Variants in RSRP1 observed in about 807,000 individuals in gnomAD.
RSRP1 encodes arginine and serine rich protein 1.
A neutral mutation model predicts 33.0 loss-of-function variants in RSRP1; 37 were observed. That is an observed-to-expected ratio of 1.12 (90% CI 0.86 to 1.48). RSRP1 has a LOEUF of 1.48. RSRP1 is among the 40% of genes most tolerant of loss of function. The pLI, the probability that RSRP1 is intolerant of heterozygous loss-of-function variation, is 0.00. For missense variants in RSRP1, 402 were observed against 385.3 expected (o/e 1.04, Z -0.36); for synonymous variants, 167 against 158.7 (o/e 1.05, Z -0.40).
At chr1:25,315,703 A>G (rs1171518589) in intron 1 of RSRP1, among the ~76,000 whole-genome samples, 1 of 128,804 alleles carries the variant, frequency 7.8e-6, no homozygotes, top group East Asian at 2.0e-4. Flanking sequence ...TCACTGTGTT[A>G]GCCAGGATGG....
At chr1:25,293,098 C>A (rs28553519) in intron 1 of RSRP1, among the ~76,000 whole-genome samples, 11,161 of 129,706 alleles carry the variant, frequency 0.086, 2,871 homozygotes, top group African/African-American at 0.29. Context: ...ATGAAGGCAA[C>A]AGCCTGGCTT....
chr1:25,290,198 G>A lies in RSRP1; in HGVS notation c.-66-43169C>T, dbSNP rs536946563. ...AGAGAAGGGACAGTGGCCCCAGATG[G>A]GGATGGGGTGACTGGATGTGGGCAG... On this transcript the variant is annotated intron_variant, in intron 1 of 1. Transcript: ENST00000561867. Among the ~76,000 whole-genome samples, 523 of 128,184 alleles carry A rather than the reference G, an allele frequency of 4.1e-3. 16 individuals are homozygous for A. Among genetic ancestry groups the A allele is most frequent in the African/African-American group, 0.012 (424 of 35,638 alleles). The allele number at this position is 128,184 out of a possible 152,430, so 84.1% of individuals were successfully genotyped here.
In RSRP1 at chr1:25,323,467, T is replaced by C. The variant is rs1416751035; in HGVS notation, c.-67+14511A>G. On this transcript the variant is annotated intron_variant, in intron 1 of 1. Coordinates refer to the RSRP1 transcript ENST00000561867. The stretch of plus-strand genomic sequence containing the variant: ...CACTAAGGTTTGCATTTTCTGTAAT[T>C]TTTTTGTTTGAGACAGGGTCTCACT... 1.7e-5 allele frequency among the ~76,000 whole-genome samples: 2 copies of C among 120,608 alleles called. 1 individual carries two copies. The highest frequency in any genetic ancestry group is 5.7e-5 in the African/African-American group (2 of 34,924). The allele number at this position is 120,608 out of a possible 152,430, so 79.1% of individuals were successfully genotyped here. A position where few individuals can be genotyped will look rare whatever the true frequency, so the allele number is the denominator to read the frequency against.
At chr1:25,269,945 G>C (rs936970449) in intron 1 of RSRP1, among the ~76,000 whole-genome samples, 1 of 131,724 alleles carries the variant, frequency 7.6e-6, no homozygotes, top group Admixed American at 7.4e-5. Flanking sequence ...TCAGGTCCGG[G>C]GGTTGGCATT....
At chr1:25,287,708 T>A (rs1174323603) in intron 1 of RSRP1, among the ~76,000 whole-genome samples, 2 of 135,188 alleles carry the variant, frequency 1.5e-5, no homozygotes, top group Non-Finnish European at 1.8e-5. Context: ...AACTCTGAAG[T>A]GGGATGTTTT....
Position 25,301,036 on chromosome 1 carries a change from G to A in RSRP1, c.-67+36942C>T, listed in dbSNP as rs1053352. On this transcript the variant is annotated intron_variant, in intron 1 of 1. Transcript: ENST00000561867. Reference sequence around the variant, plus strand: ...CTGGTGCCTGCCAAAGCCTCTACCCGAGGGAACGGAGGATAAAGATCAGAC... The same window carrying A: ...CTGGTGCCTGCCAAAGCCTCTACCCAAGGGAACGGAGGATAAAGATCAGAC... The A allele has an allele frequency of 3.0e-5, 41 of 1,377,852 alleles. 10 individuals carry two copies. In the Middle Eastern group the frequency reaches 5.5e-4, roughly 18 times the overall value. The allele number at this position is 1,377,852 out of a possible 1,614,324, so 85.4% of individuals were successfully genotyped here.
chr1:25,271,028 G>C (rs1442166570), intron 1 of RSRP1, among the ~76,000 whole-genome samples: 1 of 130,386 alleles, frequency 7.7e-6, no homozygotes, highest in Non-Finnish European at 1.8e-5. Flanking sequence ...CTCTGTGTCA[G>C]TTTTGATAAA....
In RSRP1 at chr1:25,305,303, CA is replaced by C. The variant is rs1018059925; in HGVS notation, c.-67+32674del. Among the ~76,000 whole-genome samples, 3 of 132,366 alleles carry C rather than the reference CA, an allele frequency of 2.3e-5. 1 individual carries two copies. The highest frequency in any genetic ancestry group is 7.8e-5 in the African/African-American group (3 of 38,420). The allele number at this position is 132,366 out of a possible 152,430, so 86.8% of individuals were successfully genotyped here. The stretch of plus-strand genomic sequence containing the variant: ...TAAAGGCATAGGGTCCACCCAGGAG[CA>C]TGGTGGACCCAGATCCCTGAAAGAT... On this transcript the variant is annotated intron_variant, in intron 1 of 1. Transcript: ENST00000561867.
intron 1 of RSRP1, among the ~76,000 whole-genome samples, chr1:25,278,250 G>C (rs577799521): frequency 7.7e-6 from 1 of 130,424 alleles, no homozygotes; most frequent in African/African-American, 2.6e-5. Flanking sequence ...AGAGGTGCCA[G>C]TTCCTGAGAT....
intron 1 of RSRP1, among the ~76,000 whole-genome samples, chr1:25,286,928 A>G (rs1642068499): frequency 7.5e-6 from 1 of 133,914 alleles, no homozygotes. Context: ...TCCTGTCTCT[A>G]CTAAAAACAC....
intron 3 of RSRP1, 187 bp downstream of exon 3, chr1:25,244,963 A>G (rs1207963242): frequency 9.6e-6 from 14 of 1,462,716 alleles, no homozygotes; most frequent in Non-Finnish European, 1.3e-5. Context: ...GCACGGCCAA[A>G]TAAAGCTCAT....
Position 25,244,844 on chromosome 1 carries a change from TG to T in RSRP1, c.672+305del, listed in dbSNP as rs1401502459. 5.0e-5 allele frequency: 50 copies of T among 1,006,652 alleles called. 2 individuals are homozygous for T. In the East Asian group the frequency reaches 2.6e-3, roughly 53 times the overall value. The allele number at this position is 1,006,652 out of a possible 1,614,324, so 62.4% of individuals were successfully genotyped here. On this transcript the variant is annotated intron_variant, in intron 3 of 4. Coordinates refer to ENST00000243189, the MANE Select transcript of RSRP1 (RefSeq NM_020317.5). ...GACTACAGGCATGCACCACCATGCCTGGCTAATTTTTGTATTTTTTGTAAAC... is the reference window on the plus strand; with the variant it reads ...GACTACAGGCATGCACCACCATGCCTGCTAATTTTTGTATTTTTTGTAAAC...
rs1293137094 is a variant in RSRP1, at chr1:25,281,251, T to G, written c.-66-34222A>C. Among the ~76,000 whole-genome samples the G allele has an allele frequency of 4.6e-5, 6 of 129,938 alleles. 1 individual carries two copies. The highest frequency in any genetic ancestry group is 4.4e-4 in the Admixed American group (6 of 13,500). 85.2% of individuals were successfully genotyped at this position (129,938 alleles called of 152,430 possible). On this transcript the variant is annotated intron_variant, in intron 1 of 1. Transcript: ENST00000561867. ...TGCTGAACTACCAGGTTAGATTTTC[T>G]TTCTCCAAGTTGTGGAGCTTTCATA...
At chr1:25,320,287 C>A (rs1276249731) in intron 1 of RSRP1, among the ~76,000 whole-genome samples, 4 of 132,028 alleles carry the variant, frequency 3.0e-5, no homozygotes, top group East Asian at 3.9e-4. Flanking sequence ...CACACCTTTT[C>A]CACGTTATAT....
intron 1 of RSRP1, among the ~76,000 whole-genome samples, chr1:25,260,480 C>G (rs1055713720): frequency 6.6e-6 from 1 of 151,886 alleles, no homozygotes; most frequent in Non-Finnish European, 1.5e-5. Context: ...TTGAAGCCAC[C>G]CTCCAAACAC....
In RSRP1 at chr1:25,288,380, A is replaced by G. The variant is rs1388765618; in HGVS notation, c.-66-41351T>C. On this transcript the variant is annotated intron_variant, in intron 1 of 1. Transcript: ENST00000561867. The stretch of plus-strand genomic sequence containing the variant: ...CTTTTTGTAGAGATGGAGTCTCACT[A>G]TGTTGCCCAGGCTGGTCTCAAACTC... Among the ~76,000 whole-genome samples the G allele has an allele frequency of 2.4e-5, 3 of 122,722 alleles. 1 individual carries two copies. Among genetic ancestry groups the G allele is most frequent in the Middle Eastern group, 9.6e-3 (2 of 208 alleles). The allele number at this position is 122,722 out of a possible 152,430, so 80.5% of individuals were successfully genotyped here.
intron 1 of RSRP1, among the ~76,000 whole-genome samples, chr1:25,261,415 T>C (rs1310360546): frequency 6.6e-6 from 1 of 151,444 alleles, no homozygotes; most frequent in Non-Finnish European, 1.5e-5. Context: ...TCTTTTTTTT[T>C]TTTTTTTGAG....
chr1:25,246,616 A>ACGGGAC lies in RSRP1; in HGVS notation c.342_347dup (p.Ser121_Arg122dup), dbSNP rs747562675. On this transcript the variant is annotated inframe_insertion, in exon 2 of 5. Coordinates refer to ENST00000243189, the MANE Select transcript of RSRP1 (RefSeq NM_020317.5). Reference sequence around the variant, plus strand: ...ACCTTCCCCGAGAGCGCGACCTGCTACGGGACCGGGACCGGTACCGCGAAG... The same window carrying ACGGGAC: ...ACCTTCCCCGAGAGCGCGACCTGCTACGGGACCGGGACCGGGACCGGTACCGCGAAG... The ACGGGAC allele has an allele frequency of 1.6e-4, 262 of 1,613,936 alleles. 2 individuals are homozygous for ACGGGAC. In the African/African-American group the frequency reaches 2.1e-3, roughly 13 times the overall value.
chr1:25,279,711 T>C (rs1455645038), intron 1 of RSRP1, among the ~76,000 whole-genome samples: 3 of 124,160 alleles, frequency 2.4e-5, no homozygotes, highest in Admixed American at 7.8e-5. Context: ...ATGGTGAGTA[T>C]TGCCTTATCT....
Sources: gnomAD v4.1 joint callset for allele counts (sites outside exome capture counted in the v4.1 genomes callset) on GRCh38, gnomAD v4.1.1 for gene constraint, MANE v1.5 for transcripts, NCBI Gene and HGNC (gene_info 2026-07-23, HGNC 2026-07-21) for gene names.